The following COG7 variants were observed in gnomAD, a reference collection of about 807,000 sequenced individuals.
COG7 encodes the protein conserved oligomeric Golgi complex subunit 7.
Under a neutral mutation model 91.5 loss-of-function variants are expected in COG7, and 49 were observed. That is an observed-to-expected ratio of 0.54 (90% confidence interval 0.43 to 0.68). The LOEUF is 0.68. COG7 is among the 30% of genes least tolerant of loss of function. The pLI, the probability that COG7 is intolerant of heterozygous loss-of-function variation, is 0.00. For synonymous variants in COG7, 365 were observed against 388.7 expected, an observed-to-expected ratio of 0.94 and a Z score of 0.72; for missense variants, 895 against 961.3, an observed-to-expected ratio of 0.93 and a Z score of 0.91.
chr16:23,420,700 AT>A, intron 7 of COG7, among the ~76,000 whole-genome samples: 1 of 152,234 alleles, frequency 6.6e-6, no homozygotes, highest in Admixed American at 6.5e-5. Flanking sequence ...TAATAATCAA[AT>A]CTGCACATGT....
intron 6 of COG7, among the ~76,000 whole-genome samples, chr16:23,430,035 C>T (rs1027130357): frequency 2.0e-5 from 3 of 152,122 alleles, no homozygotes; most frequent in Non-Finnish European, 4.4e-5. Context: ...GGGAACTTTC[C>T]AGGGCGATGG....
At chr16:23,418,991 C>T (rs987960521) in intron 7 of COG7, among the ~76,000 whole-genome samples, 164 bp from the exon 8 acceptor site, 6 of 152,232 alleles carry the variant, frequency 3.9e-5, no homozygotes, top group Admixed American at 3.9e-4. Context: ...GCTTCTCCTA[C>T]AATCAGTTCA....
chr16:23,422,331 T>A lies in COG7; in HGVS notation c.1009+2418A>T, dbSNP rs1192203817. On this transcript the variant is annotated intron_variant, in intron 7 of 16. Coordinates refer to ENST00000307149, the MANE Select transcript of COG7 (RefSeq NM_153603.4). ...CTGTCTCAAAAAAACAAAAAAAAAA[T>A]AAAGACAACAAAACTATGTCTTAGG... is the stretch of plus-strand genomic sequence containing the variant. 2.6e-5 allele frequency among the ~76,000 whole-genome samples: 4 copies of A among 151,056 alleles called. No individual in the cohort carries two copies. The South Asian group carries it at 8.3e-4, about 31-fold the overall frequency.
At position 23,389,072 on chromosome 16, in the gene COG7, C is replaced by T. The variant is rs1208806833; in HGVS notation, c.2161G>A (p.Val721Met). The change falls in exon 17 of 17, where the codon GTG (valine) becomes ATG (methionine). Residue 721 changes from valine to methionine, a missense_variant. Transcript: ENST00000307149. ...GGCTGCAGGCCCAGGGCATCCATCACGTTGATCAGATAGTCTGTGGGGGCG... is the reference window on the plus strand; with the variant it reads ...GGCTGCAGGCCCAGGGCATCCATCATGTTGATCAGATAGTCTGTGGGGGCG... ...LATDIDYLIN[V>M]MDALGLQPSR... 7 of 1,613,954 alleles carry T rather than the reference C, an allele frequency of 4.3e-6. No homozygotes were observed. In the East Asian group the frequency reaches 8.9e-5, roughly 21 times the overall value.
chr16:23,442,392 T>A, intron 4 of COG7, 85 bp downstream of exon 4: 1 of 1,214,532 alleles, frequency 8.2e-7, no homozygotes, highest in Non-Finnish European at 1.2e-6. Context: ...TCAATCACCA[T>A]TAAGACATTC....
chr16:23,394,085 G>C (rs954258762), intron 14 of COG7, among the ~76,000 whole-genome samples: 3 of 150,268 alleles, frequency 2.0e-5, no homozygotes, highest in Non-Finnish European at 4.4e-5. Context: ...CTGTCTTCTG[G>C]ATTTGGATCT....
At position 23,452,915 on chromosome 16, in the gene COG7, T is replaced by C; in HGVS notation, c.80A>G (p.Glu27Gly). 6.2e-7 allele frequency: 1 copy of C among 1,614,076 alleles called. No homozygotes were observed. The highest frequency in any genetic ancestry group is 1.7e-5 in the Admixed American group (1 of 60,026). Reference protein sequence around the residue: ...INAAFRAGSKEAASGKADGHA... With the variant: ...INAAFRAGSKGAASGKADGHA... Reference sequence around the variant, plus strand: ...GCCATCCGCCTTCCCGGACGCCGCCTCCTTGGAGCCGGCCCTGAAGGCCGC... The same window carrying C: ...GCCATCCGCCTTCCCGGACGCCGCCCCCTTGGAGCCGGCCCTGAAGGCCGC... Residue 27 changes from glutamate (E) to glycine (G), a missense_variant, in exon 1 of 17, where the codon GAG becomes GGG. By Grantham distance (98) the Glu-to-Gly change is moderately conservative. Transcript: ENST00000307149.
chr16:23,425,639 AAAG>A (rs1409654719), intron 6 of COG7, among the ~76,000 whole-genome samples: 1 of 152,100 alleles, frequency 6.6e-6, no homozygotes, highest in Non-Finnish European at 1.5e-5. Flanking sequence ...ATCACCTTTT[AAAG>A]AAGTATAACT....
At chr16:23,419,221 C>CA (rs1190577129) in intron 7 of COG7, among the ~76,000 whole-genome samples, 1 of 151,940 alleles carries the variant, frequency 6.6e-6, no homozygotes, top group Admixed American at 6.6e-5. Context: ...GCTTGACCAA[C>CA]ATGGAGAAAC....
At chr16:23,432,258 A>T (rs1359251823) in intron 6 of COG7, among the ~76,000 whole-genome samples, 1 of 152,214 alleles carries the variant, frequency 6.6e-6, no homozygotes, top group Non-Finnish European at 1.5e-5. Flanking sequence ...ATGACCCGGT[A>T]TAAGGAATTC....
chr16:23,424,690 GAAGCTTCAGAAAGAGCGAGT>G, intron 7 of COG7, 39 bp downstream of exon 7: 1 of 1,567,154 alleles, frequency 6.4e-7, no homozygotes, highest in Non-Finnish European at 8.8e-7. Flanking sequence ...CCAGGCCCCA[GAAGCTTCAGAAAGAGCGAGT>G]AAAGACAAGC....
intron 8 of COG7, among the ~76,000 whole-genome samples, chr16:23,417,919 A>G (rs1471757636): frequency 1.3e-5 from 2 of 152,248 alleles, no homozygotes; most frequent in African/African-American, 2.4e-5. Context: ...TTGAACTACT[A>G]TAAGATCAAT....
intron 14 of COG7, among the ~76,000 whole-genome samples, chr16:23,397,822 G>T (rs1475280182): frequency 6.6e-6 from 1 of 152,184 alleles, no homozygotes; most frequent in Non-Finnish European, 1.5e-5. Flanking sequence ...TCTCATATAG[G>T]GAGAGATGGT....
At chr16:23,408,792 A>T (rs547173962) in intron 11 of COG7, among the ~76,000 whole-genome samples, 18 of 152,158 alleles carry the variant, frequency 1.2e-4, no homozygotes, top group Non-Finnish European at 2.5e-4. Context: ...GATTTTCCTT[A>T]ATCTCTTAAT....
chr16:23,434,283 C>T (rs537344282), intron 5 of COG7, among the ~76,000 whole-genome samples: 1 of 151,982 alleles, frequency 6.6e-6, no homozygotes, highest in Non-Finnish European at 1.5e-5. Context: ...GAAACCCTAT[C>T]TCTAAAGAAA....
intron 5 of COG7, 106 bp from the exon 6 acceptor site, chr16:23,433,773 C>T: frequency 7.4e-7 from 1 of 1,346,738 alleles, no homozygotes. Context: ...GCTCAATGGG[C>T]TCACTGGGCA....
intron 3 of COG7, among the ~76,000 whole-genome samples, chr16:23,444,615 C>T (rs1395239080): frequency 6.6e-6 from 1 of 151,748 alleles, no homozygotes. Context: ...GAGATCCTCC[C>T]ACCTCAGCCT....
chr16:23,403,815 T>C lies in COG7; in HGVS notation c.1682A>G (p.His561Arg). 6.2e-7 allele frequency: 1 copy of C among 1,614,246 alleles called. No individual in the cohort carries two copies. The highest frequency in any genetic ancestry group is 8.5e-7 in the Non-Finnish European group (1 of 1,180,038). Residue 561 changes from histidine to arginine, a missense_variant, in exon 13 of 17, where the codon CAC (histidine) becomes CGC (arginine). Coordinates refer to ENST00000307149, the MANE Select transcript of COG7 (RefSeq NM_153603.4). The stretch of plus-strand genomic sequence containing the variant: ...TGCTCGAGGTGCAGCCAGCAGGTTG[T>C]GGTTGCTTGACCCTTTTTCCTAAGA... Reference protein sequence around the residue: ...YTLKEKGSSNHNLLAAPRAAL... With the variant: ...YTLKEKGSSNRNLLAAPRAAL...
intron 14 of COG7, among the ~76,000 whole-genome samples, chr16:23,395,465 G>A (rs1963271534): frequency 6.6e-6 from 1 of 152,152 alleles, no homozygotes; most frequent in African/African-American, 2.4e-5. Context: ...GTTTTACCTT[G>A]CATATATATT....
Sources: allele counts gnomAD v4.1 joint callset (sites outside exome capture counted in the v4.1 genomes callset), GRCh38; gene constraint gnomAD v4.1.1; transcripts MANE v1.5; gene names NCBI Gene and HGNC (gene_info 2026-07-23, HGNC 2026-07-21).